Variants in FAM98C observed in about 807,000 individuals in gnomAD.
FAM98C encodes the protein protein FAM98C.
Under a neutral mutation model 41.1 loss-of-function variants are expected in FAM98C, and 38 were observed. The observed-to-expected ratio is 0.92, with a 90% CI of 0.71 to 1.21. FAM98C has a LOEUF of 1.21. Ranked by LOEUF, FAM98C falls within the 50% of genes most tolerant of loss-of-function variation. The probability of loss-of-function intolerance (pLI) is 0.00; values close to 1 mark genes in which losing one functional copy is unlikely to be tolerated. For synonymous variants in FAM98C, 195 were observed against 216.7 expected (o/e 0.90, Z 0.88); for missense variants, 493 against 484.7 (o/e 1.02, Z -0.16).
chr19:38,403,395 G>T lies in FAM98C; in HGVS notation c.123G>T (p.Gly41=), dbSNP rs1226947671. The change falls in exon 2 of 8, where the codon GGG becomes GGT. Residue 41 remains glycine, a synonymous_variant. Coordinates refer to ENST00000252530, the MANE Select transcript of FAM98C (RefSeq NM_174905.4). ...SRGASCPDFR[G]LCVRLAAELA... is the part of the protein sequence containing the mutation. The stretch of plus-strand genomic sequence containing the variant: ...GCGCCTCATGCCCAGACTTCAGGGG[G>T]CTGTGCGTGCGGCTGGCGGCGGAGC... 5.5e-6 allele frequency: 8 copies of T among 1,455,810 alleles called. No homozygotes were observed. Among genetic ancestry groups the T allele is most frequent in the African/African-American group, 3.0e-5 (2 of 67,036 alleles). The allele number at this position is 1,455,810 out of a possible 1,614,324, so 90.2% of individuals were successfully genotyped here.
chr19:38,409,085 G>A (rs775998597), downstream of FAM98C: 40 of 497,606 alleles, frequency 8.0e-5, no homozygotes, highest in Non-Finnish European at 1.2e-4. Flanking sequence ...ATTTATGACA[G>A]CTGTAGGACC....
chr19:38,404,172 G>A (rs985029154), intron 3 of FAM98C, among the ~76,000 whole-genome samples: 1 of 151,450 alleles, frequency 6.6e-6, no homozygotes, highest in African/African-American at 2.4e-5. Context: ...GATTACAGGC[G>A]TGAGCCCACC....
Position 38,403,580 on chromosome 19 carries a change from T to G in FAM98C, c.235T>G (p.Phe79Val). The change falls in exon 3 of 8, where the codon TTT becomes GTT. Residue 79 changes from phenylalanine to valine, a missense_variant. Physicochemically the swap from Phe to Val is conservative, Grantham distance 50. Coordinates refer to ENST00000252530, the MANE Select transcript of FAM98C (RefSeq NM_174905.4). ...AGDGPGAEED[F>V]LRQLGSLLRE... ...CGCAGGCCCTGGCGCGGAGGAGGAC[T>G]TTCTGCGGCAGCTCGGCAGCCTGCT... The G allele has an allele frequency of 6.7e-7, 1 of 1,498,966 alleles. No individual in the cohort carries two copies. The highest frequency in any genetic ancestry group is 8.8e-7 in the Non-Finnish European group (1 of 1,133,886). The allele number at this position is 1,498,966 out of a possible 1,614,324, so 92.9% of individuals were successfully genotyped here.
chr19:38,404,779 T>G lies in FAM98C; in HGVS notation c.350-129T>G, dbSNP rs953235977. 6 of 984,412 alleles carry G rather than the reference T, an allele frequency of 6.1e-6. No individual in the cohort carries two copies. In the African/African-American group the frequency reaches 9.6e-5, roughly 16 times the overall value. 61.0% of individuals were successfully genotyped at this position (984,412 alleles called of 1,614,324 possible). A position where few individuals can be genotyped will look rare whatever the true frequency, so the allele number is the denominator to read the frequency against. ...CTCCTGACCTCGTGATCCGCCCGCC[T>G]CTGCCTCCCAAAGTGCTGGGATTAC... On this transcript the variant is annotated intron_variant, in intron 3 of 7. Transcript: ENST00000252530.
rs1205787595 is a variant in FAM98C, at chr19:38,403,694, C to T, written c.349C>T (p.Arg117Cys). 2 of 1,408,386 alleles carry T rather than the reference C, an allele frequency of 1.4e-6. No individual in the cohort carries two copies. 87.2% of individuals were successfully genotyped at this position (1,408,386 alleles called of 1,614,324 possible). Residue 117 changes from arginine to cysteine, a missense_variant and splice_region_variant, in exon 3 of 8, where the codon CGC becomes TGC. Coordinates refer to ENST00000252530, the MANE Select transcript of FAM98C (RefSeq NM_174905.4). ...REPGAGLRLL[R>C]FLCSELQATR... ...ACCCGGTGCCGGACTGCGCCTGCTG[C>T]GTGAGTCCCGGGATGCAGAAGTGGC...
Position 38,405,392 on chromosome 19 carries a change from C to G in FAM98C, c.604C>G (p.Leu202Val). Reference sequence around the variant, plus strand: ...GCCCCCAGGGTCCCTGCAGCCCCTCCTCAGCTGCTCGCTAGATGCACCCAG... The same window carrying G: ...GCCCCCAGGGTCCCTGCAGCCCCTCGTCAGCTGCTCGCTAGATGCACCCAG... The part of the protein sequence containing the change: ...SLPPGSLQPL[L>V]SCSLDAPRWE... Residue 202 changes from leucine (L) to valine (V), a missense_variant, in exon 5 of 8, where the codon CTC (leucine) becomes GTC (valine). Physicochemically the swap from Leu to Val is conservative, Grantham distance 32. Coordinates refer to ENST00000252530, the MANE Select transcript of FAM98C (RefSeq NM_174905.4). 6.2e-7 allele frequency: 1 copy of G among 1,614,160 alleles called. No individual in the cohort carries two copies.
intron 3 of FAM98C, among the ~76,000 whole-genome samples, chr19:38,404,392 G>A (rs1321914365): frequency 6.6e-6 from 1 of 151,824 alleles, no homozygotes; most frequent in Non-Finnish European, 1.5e-5. Flanking sequence ...GTGGAGGTGG[G>A]GTCTCCCTAT....
chr19:38,405,804 G>A (rs1303475636), intron 6 of FAM98C, 169 bp downstream of exon 6: 2 of 624,738 alleles, frequency 3.2e-6, no homozygotes, highest in African/African-American at 1.8e-5. Flanking sequence ...GGGTCCCAGG[G>A]TATTGTTGAA....
chr19:38,407,150 C>T (rs1971051838), intron 7 of FAM98C, 73 bp downstream of exon 7: 5 of 1,557,008 alleles, frequency 3.2e-6, no homozygotes, highest in South Asian at 1.1e-5. Flanking sequence ...CTGCTCCAGT[C>T]CAAGTTTCAG....
Position 38,405,631 on chromosome 19 carries a change from C to T in FAM98C, c.746C>T (p.Ala249Val), listed in dbSNP as rs1971029248. ...TCTGCTTTCCACTGGAGTGACCGGG[C>T]AGAGGTGTGGTGGGCAGGGGACCAT... Reference protein sequence around the residue: ...TTSAFHWSDRAEAQGEAMRAV... With the variant: ...TTSAFHWSDRVEAQGEAMRAV... The change falls in exon 6 of 8, where the codon GCA (alanine) becomes GTA (valine). Residue 249 changes from alanine to valine, a missense_variant. Ala to Val is a moderately conservative substitution (Grantham distance 64). Transcript: ENST00000252530. The T allele has an allele frequency of 6.2e-7, 1 of 1,614,120 alleles. No individual in the cohort carries two copies. Among genetic ancestry groups the T allele is most frequent in the African/African-American group, 1.3e-5 (1 of 75,008 alleles).
Position 38,403,231 on chromosome 19 carries a change from G to T in FAM98C, c.65+13G>T. 2.6e-6 allele frequency: 4 copies of T among 1,559,820 alleles called. No individual in the cohort carries two copies. Among genetic ancestry groups the T allele is most frequent in the Non-Finnish European group, 3.4e-6 (4 of 1,160,020 alleles). ...TGCTGGCTCTGGGGTAAAAGGGTGT[G>T]CGGTGAGGCTGGTGGGTGCAGGAAG... is the stretch of plus-strand genomic sequence containing the variant. On this transcript the variant is annotated intron_variant, in intron 1 of 7. Coordinates refer to ENST00000252530, the MANE Select transcript of FAM98C (RefSeq NM_174905.4).
rs527285418 is a variant in FAM98C at position 38,403,119 on chromosome 19, C to A, written c.-35C>A. ...GGCGCTTTTGGGGCGGAGCCTGCCA[C>A]CGGCCGCCAGGGGGCGCGCCGAGAC... is the stretch of plus-strand genomic sequence containing the variant. On this transcript the variant is annotated 5_prime_UTR_variant, in exon 1 of 8. Coordinates refer to ENST00000252530, the MANE Select transcript of FAM98C (RefSeq NM_174905.4). 2.6e-5 allele frequency: 39 copies of A among 1,499,260 alleles called. No homozygotes were observed. In the South Asian group the frequency reaches 4.9e-4, roughly 19 times the overall value. 92.9% of individuals were successfully genotyped at this position (1,499,260 alleles called of 1,614,324 possible). A position where few individuals can be genotyped will look rare whatever the true frequency, so the allele number is the denominator to read the frequency against.
At chr19:38,404,351 G>A (rs1489387415) in intron 3 of FAM98C, among the ~76,000 whole-genome samples, 1 of 152,050 alleles carries the variant, frequency 6.6e-6, no homozygotes, top group Non-Finnish European at 1.5e-5. Flanking sequence ...GGGACTAGAA[G>A]GTGGAGGATT....
intron 7 of FAM98C, chr19:38,407,378 T>G (rs1971056765): frequency 3.6e-6 from 1 of 277,216 alleles, no homozygotes; most frequent in African/African-American, 2.4e-5. Flanking sequence ...TTTTTAACCT[T>G]TTTTTTTTTC....
rs1568400662 is a variant in FAM98C, at chr19:38,403,685, C to G, written c.340C>G (p.Arg114Gly). 7.1e-7 allele frequency: 1 copy of G among 1,406,998 alleles called. No homozygotes were observed. The highest frequency in any genetic ancestry group is 3.2e-5 in the Admixed American group (1 of 31,068). The allele number at this position is 1,406,998 out of a possible 1,614,324, so 87.2% of individuals were successfully genotyped here. The change falls in exon 3 of 8, where the codon CGC (arginine) becomes GGC (glycine). Residue 114 changes from arginine to glycine, a missense_variant. Coordinates refer to ENST00000252530, the MANE Select transcript of FAM98C (RefSeq NM_174905.4). ...AALREPGAGL[R>G]LLRFLCSELQ... Reference sequence around the variant, plus strand: ...GCTTCGGGAACCCGGTGCCGGACTGCGCCTGCTGCGTGAGTCCCGGGATGC... The same window carrying G: ...GCTTCGGGAACCCGGTGCCGGACTGGGCCTGCTGCGTGAGTCCCGGGATGC...
intron 5 of FAM98C, 46 bp from the exon 6 acceptor site, chr19:38,405,473 G>T (rs772321000): frequency 1.2e-6 from 2 of 1,613,766 alleles, no homozygotes; most frequent in Non-Finnish European, 1.7e-6. Flanking sequence ...ATCAGAGGTG[G>T]CAGTGAGAGG....
intron 3 of FAM98C, 100 bp downstream of exon 3, chr19:38,403,794 C>T: frequency 7.6e-7 from 1 of 1,319,824 alleles, no homozygotes; most frequent in Non-Finnish European, 9.6e-7. Flanking sequence ...GTGGTCAGAA[C>T]TTTGGGGCGG....
chr19:38,408,272 A>G (rs545528209), intron 7 of FAM98C: 1 of 152,176 alleles, frequency 6.6e-6, no homozygotes, highest in African/African-American at 2.4e-5. Context: ...AAAGAAAAGA[A>G]AAGTAGGCTG....
At position 38,403,133 on chromosome 19, in the gene FAM98C, G is replaced by C. The variant is rs1364076228; in HGVS notation, c.-21G>C. Reference sequence around the variant, plus strand: ...GGAGCCTGCCACCGGCCGCCAGGGGGCGCGCCGAGACCACACTTTCATGGA... The same window carrying C: ...GGAGCCTGCCACCGGCCGCCAGGGGCCGCGCCGAGACCACACTTTCATGGA... On this transcript the variant is annotated 5_prime_UTR_variant, in exon 1 of 8. Coordinates refer to ENST00000252530, the MANE Select transcript of FAM98C (RefSeq NM_174905.4). The C allele has an allele frequency of 6.6e-7, 1 of 1,510,860 alleles. No individual in the cohort carries two copies. Among genetic ancestry groups the C allele is most frequent in the Non-Finnish European group, 8.7e-7 (1 of 1,144,952 alleles). 93.6% of individuals were successfully genotyped at this position (1,510,860 alleles called of 1,614,324 possible).
Sources: gnomAD v4.1 joint callset for allele counts (sites outside exome capture counted in the v4.1 genomes callset) on GRCh38, gnomAD v4.1.1 for gene constraint, MANE v1.5 for transcripts, NCBI Gene and HGNC (gene_info 2026-07-23, HGNC 2026-07-21) for gene names.